The following RCN1 variants were observed in gnomAD, a reference collection of about 807,000 sequenced individuals.
RCN1 encodes reticulocalbin 1.
In RCN1, 14 loss-of-function variants were observed where a neutral mutation model predicts 34.7. The observed-to-expected ratio is 0.40, with a 90% CI of 0.27 to 0.63. The LOEUF (loss-of-function observed/expected upper bound fraction) is 0.63. Ranked by LOEUF, RCN1 falls within the 30% of genes least tolerant of loss-of-function variation. RCN1 has a pLI of 0.37. For missense variants in RCN1, 326 were observed against 425.1 expected (o/e 0.77, Z 2.05); for synonymous variants, 125 against 165.5 (o/e 0.76, Z 1.88).
rs1852064674 is a variant in RCN1, at chr11:32,103,097, GC to G, written c.689-182del. The stretch of plus-strand genomic sequence containing the variant: ...TCAGTTCTTTCTACTCCACCACATG[GC>G]CTTCATCATGAATAAATTACTGCAT... On this transcript the variant is annotated intron_variant, in intron 4 of 5. Transcript: ENST00000054950. The G allele has an allele frequency of 2.2e-5, 15 of 671,220 alleles. No homozygotes were observed. The East Asian group carries it at 4.2e-4, about 19-fold the overall frequency. 41.6% of individuals were successfully genotyped at this position (671,220 alleles called of 1,614,324 possible). A position where few individuals can be genotyped will look rare whatever the true frequency, so the allele number is the denominator to read the frequency against.
intron 1 of RCN1, chr11:32,091,688 G>A: frequency 3.8e-6 from 2 of 523,882 alleles, no homozygotes; most frequent in Non-Finnish European, 6.5e-6. Flanking sequence ...GCGGGGAGGC[G>A]AGAACGTGGC....
intron 3 of RCN1, 53 bp from the exon 4 acceptor site, chr11:32,100,495 A>G: frequency 7.0e-7 from 1 of 1,426,488 alleles, no homozygotes; most frequent in Non-Finnish European, 9.9e-7. Flanking sequence ...GAATTCTCAG[A>G]CTTCTTAGAG....
At position 32,091,180 on chromosome 11, in the gene RCN1, G is replaced by A. The variant is rs886439640; in HGVS notation, c.-17G>A. 8 of 1,405,784 alleles carry A rather than the reference G, an allele frequency of 5.7e-6. No homozygotes were observed. The highest frequency in any genetic ancestry group is 3.6e-5 in the Admixed American group (1 of 27,710). 87.1% of individuals were successfully genotyped at this position (1,405,784 alleles called of 1,614,324 possible). ...CTCGCTCAGCGTCTCCCTCTCGGCC[G>A]CCCTCTCCTCGGGACGATGGCGCGC... On this transcript the variant is annotated 5_prime_UTR_variant, in exon 1 of 6. Transcript: ENST00000054950.
rs1363801932 is a variant in RCN1, at chr11:32,104,677, G to A, written c.*205G>A. 8.4e-5 allele frequency: 40 copies of A among 474,738 alleles called. No homozygotes were observed. Among genetic ancestry groups the A allele is most frequent in the Non-Finnish European group, 1.2e-4 (31 of 268,010 alleles). The allele number at this position is 474,738 out of a possible 1,614,324, so 29.4% of individuals were successfully genotyped here. On this transcript the variant is annotated 3_prime_UTR_variant, in exon 6 of 6. Transcript: ENST00000054950. ...TTCAGTAAGATTTCTCTCAAAACAC[G>A]TGAAAACCTTGGTAAATTGCAATTC...
At position 32,098,535 on chromosome 11, in the gene RCN1, T is replaced by C; in HGVS notation, c.627+7T>C. 6.2e-7 allele frequency: 1 copy of C among 1,605,490 alleles called. No homozygotes were observed. Among genetic ancestry groups the C allele is most frequent in the Middle Eastern group, 1.7e-4 (1 of 6,020 alleles). On this transcript the variant is annotated splice_region_variant and intron_variant, in intron 3 of 5. Transcript: ENST00000054950. ...GAAGGAAATTGTGGTTTTGGTAAGA[T>C]AAGTGAAGAGTCTGGGCTGGGAAGA...
rs1852094634 is a variant in RCN1, at chr11:32,105,000, A to T, written c.*528A>T. 1 of 168,154 alleles carries T rather than the reference A, an allele frequency of 5.9e-6. No homozygotes were observed. Among genetic ancestry groups the T allele is most frequent in the Non-Finnish European group, 1.5e-5 (1 of 68,938 alleles). 10.4% of individuals were successfully genotyped at this position (168,154 alleles called of 1,614,324 possible). Reference sequence around the variant, plus strand: ...TTTCGACTTTATACTCTGAGTTATTACTTACTGTAAGTGGTGTATATGAAA... The same window carrying T: ...TTTCGACTTTATACTCTGAGTTATTTCTTACTGTAAGTGGTGTATATGAAA... On this transcript the variant is annotated 3_prime_UTR_variant, in exon 6 of 6. Coordinates refer to ENST00000054950, the MANE Select transcript of RCN1 (RefSeq NM_002901.4).
chr11:32,104,616 G>A lies in RCN1; in HGVS notation c.*144G>A, dbSNP rs983396613. The stretch of plus-strand genomic sequence containing the variant: ...GATTGGGGTATAAAAATTGTTTTTC[G>A]CTCAGTATTTACTGGAAAATGGACA... On this transcript the variant is annotated 3_prime_UTR_variant, in exon 6 of 6. Transcript: ENST00000054950. 1.1e-5 allele frequency: 6 copies of A among 571,230 alleles called. No individual in the cohort carries two copies. The highest frequency in any genetic ancestry group is 3.1e-5 in the Admixed American group (1 of 32,224). 35.4% of individuals were successfully genotyped at this position (571,230 alleles called of 1,614,324 possible).
In RCN1 at chr11:32,098,380, A is replaced by G; in HGVS notation, c.479A>G (p.Asp160Gly). The change falls in exon 3 of 6, where the codon GAT becomes GGT. Residue 160 changes from aspartate to glycine, a missense_variant. By Grantham distance (94) the Asp-to-Gly change is moderately conservative. Transcript: ENST00000054950. ...CCCGCAGAGTTTCATGATTCTTCAG[A>G]TCATCACACCTTTAAAAAGATGCTG... ...GNPAEFHDSS[D>G]HHTFKKMLPR... The G allele has an allele frequency of 6.2e-7, 1 of 1,613,452 alleles. No homozygotes were observed. The highest frequency in any genetic ancestry group is 8.5e-7 in the Non-Finnish European group (1 of 1,179,848).
At position 32,098,463 on chromosome 11, in the gene RCN1, C is replaced by A; in HGVS notation, c.562C>A (p.Arg188=). 6.2e-7 allele frequency: 1 copy of A among 1,614,020 alleles called. No individual in the cohort carries two copies. ...CCTCAATGGTGACCTGACAGCTACT[C>A]GGGAGGAGTTCACTGCCTTTCTGCA... The part of the protein sequence containing the change: ...ADLNGDLTAT[R]EEFTAFLHPE... The change falls in exon 3 of 6, where the codon CGG becomes AGG. Residue 188 remains arginine, a synonymous_variant. Coordinates refer to ENST00000054950, the MANE Select transcript of RCN1 (RefSeq NM_002901.4).
In RCN1 at chr11:32,104,312, A is replaced by G. The variant is rs1852082052; in HGVS notation, c.889-53A>G. 76 of 1,035,092 alleles carry G rather than the reference A, an allele frequency of 7.3e-5. 1 individual carries two copies. The South Asian group carries it at 9.3e-4, about 13-fold the overall frequency. 64.1% of individuals were successfully genotyped at this position (1,035,092 alleles called of 1,614,324 possible). A position where few individuals can be genotyped will look rare whatever the true frequency, so the allele number is the denominator to read the frequency against. ...TGAAATGACATGAACATCATACAGAACTAGTACAGTTACCAGAGCTTCCAT... is the reference window on the plus strand; with the variant it reads ...TGAAATGACATGAACATCATACAGAGCTAGTACAGTTACCAGAGCTTCCAT... On this transcript the variant is annotated intron_variant, in intron 5 of 5. Transcript: ENST00000054950.
chr11:32,098,568 G>T, intron 3 of RCN1, 40 bp downstream of exon 3: 1 of 1,475,980 alleles, frequency 6.8e-7, no homozygotes, highest in Non-Finnish European at 9.2e-7. Context: ...AGAGACCAGG[G>T]AGAAAACTGC....
chr11:32,102,045 G>A (rs1299001928), intron 4 of RCN1: 3 of 152,006 alleles, frequency 2.0e-5, no homozygotes, highest in African/African-American at 4.8e-5. Context: ...CTTGAAAATC[G>A]AATACCTAGT....
chr11:32,092,457 A>G lies in RCN1; in HGVS notation c.254+1007A>G, dbSNP rs373019487. Among the ~76,000 whole-genome samples, 4 of 152,266 alleles carry G rather than the reference A, an allele frequency of 2.6e-5. No individual in the cohort carries two copies. In the South Asian group the frequency reaches 8.3e-4, roughly 32 times the overall value. On this transcript the variant is annotated intron_variant, in intron 1 of 5. Coordinates refer to ENST00000054950, the MANE Select transcript of RCN1 (RefSeq NM_002901.4). Reference sequence around the variant, plus strand: ...TTCTGTTGGCAGCAGATGTCTGCAGAAGCACTCAGTTCTTTGGCAACTGAT... The same window carrying G: ...TTCTGTTGGCAGCAGATGTCTGCAGGAGCACTCAGTTCTTTGGCAACTGAT...
chr11:32,098,310 G>T, intron 2 of RCN1, 40 bp from the exon 3 acceptor site: 6 of 1,558,260 alleles, frequency 3.9e-6, no homozygotes, highest in East Asian at 2.3e-5. Context: ...TTTCTTGACC[G>T]CACGGTTTAA....
At chr11:32,100,815 G>C (rs1354249549) in intron 4 of RCN1, among the ~76,000 whole-genome samples, 1 of 152,190 alleles carries the variant, frequency 6.6e-6, no homozygotes, top group Non-Finnish European at 1.5e-5. Flanking sequence ...GTGGAGAAGA[G>C]ATGAAAAGGC....
At chr11:32,094,029 G>GGTGGCTAA (rs564402144) in intron 1 of RCN1, among the ~76,000 whole-genome samples, 192 of 152,316 alleles carry the variant, frequency 1.3e-3, no homozygotes, top group Non-Finnish European at 2.2e-3. Context: ...CCACCAGATG[G>GGTGGCTAA]GTGATGGATG....
At chr11:32,094,316 A>G (rs1367444506) in intron 1 of RCN1, among the ~76,000 whole-genome samples, 1 of 152,220 alleles carries the variant, frequency 6.6e-6, no homozygotes, top group Admixed American at 6.5e-5. Context: ...CGTAGGCTGC[A>G]TGCATTCATA....
chr11:32,098,343 C>T lies in RCN1; in HGVS notation c.449-7C>T. 1 of 1,606,304 alleles carries T rather than the reference C, an allele frequency of 6.2e-7. No homozygotes were observed. Among genetic ancestry groups the T allele is most frequent in the Non-Finnish European group, 8.5e-7 (1 of 1,177,436 alleles). On this transcript the variant is annotated splice_region_variant and splice_polypyrimidine_tract_variant and intron_variant, in intron 2 of 5. Coordinates refer to ENST00000054950, the MANE Select transcript of RCN1 (RefSeq NM_002901.4). ...TAAAAACATTTCTGCATACATACAT[C>T]CTGCAGGAAACCCCGCAGAGTTTCA...
In RCN1 at chr11:32,093,886, G is replaced by A. The variant is rs370156202; in HGVS notation, c.254+2436G>A. On this transcript the variant is annotated intron_variant, in intron 1 of 5. Transcript: ENST00000054950. ...AGGAGGTGAATGCCAAAGGGGCTTG[G>A]TCTCTCCGGATTCCAGGAGGGGATG... Among the ~76,000 whole-genome samples, 5 of 152,178 alleles carry A rather than the reference G, an allele frequency of 3.3e-5. No individual in the cohort carries two copies. The South Asian group carries it at 1.0e-3, about 32-fold the overall frequency.
Sources: allele counts gnomAD v4.1 joint callset (sites outside exome capture counted in the v4.1 genomes callset), GRCh38; gene constraint gnomAD v4.1.1; transcripts MANE v1.5; gene names NCBI Gene and HGNC (gene_info 2026-07-23, HGNC 2026-07-21).